The following MYO1E variants were observed in gnomAD, a reference collection of about 807,000 sequenced individuals.
MYO1E encodes myosin IE.
A neutral mutation model predicts 151.1 loss-of-function variants in MYO1E; 68 were observed. That is an observed-to-expected ratio of 0.45 (90% CI 0.37 to 0.55). MYO1E has a LOEUF of 0.55. Among genes scored for constraint, MYO1E ranks in the 20% least tolerant of loss-of-function variants. The pLI is 0.00. For synonymous variants in MYO1E, 601 were observed against 501.7 expected (o/e 1.20, Z -2.64); for missense variants, 1,363 against 1,389.3 (o/e 0.98, Z 0.30).
chr15:59,279,821 A>G (rs1315407860), intron 1 of MYO1E, among the ~76,000 whole-genome samples: 4 of 152,214 alleles, frequency 2.6e-5, no homozygotes, highest in African/African-American at 9.7e-5. Flanking sequence ...TTTTGTTTTG[A>G]TTGAACGTAT....
At chr15:59,335,305 CAA>C (rs2080721660) in intron 1 of MYO1E, among the ~76,000 whole-genome samples, 1 of 150,022 alleles carries the variant, frequency 6.7e-6, no homozygotes, top group Non-Finnish European at 1.5e-5. Flanking sequence ...GGACTAGCAT[CAA>C]AGAGTGTGAA....
intron 4 of MYO1E, among the ~76,000 whole-genome samples, chr15:59,249,284 G>A (rs548023440): frequency 2.0e-5 from 3 of 152,104 alleles, no homozygotes; most frequent in Non-Finnish European, 2.9e-5. Flanking sequence ...AATTAGCTGG[G>A]TGTGGTGGCA....
At chr15:59,218,139 A>AAGTC (rs1179126021) in intron 9 of MYO1E, 52 bp from the exon 10 acceptor site, 1 of 1,598,278 alleles carries the variant, frequency 6.3e-7, no homozygotes, top group Non-Finnish European at 8.6e-7. Flanking sequence ...TGACACTTCC[A>AAGTC]AGTCATCTCA....
chr15:59,214,856 G>C, intron 10 of MYO1E, 136 bp from the exon 11 acceptor site: 1 of 746,284 alleles, frequency 1.3e-6, no homozygotes, highest in South Asian at 1.4e-5. Flanking sequence ...GTGAAGGCAG[G>C]AGACTTGCTG....
chr15:59,216,662 ATG>A lies in MYO1E; in HGVS notation c.1107+1227_1107+1228del, dbSNP rs1193503156. Among the ~76,000 whole-genome samples, 2 of 17,346 alleles carry A rather than the reference ATG, an allele frequency of 1.2e-4. 1 individual carries two copies. The highest frequency in any genetic ancestry group is 4.5e-4 in the Non-Finnish European group (2 of 4,446). 11.4% of individuals were successfully genotyped at this position (17,346 alleles called of 152,430 possible). A position where few individuals can be genotyped will look rare whatever the true frequency, so the allele number is the denominator to read the frequency against. ...GCCCCCAGTGTGTGTGTGTGTGTGT[ATG>A]TGTATATATATATATATATATACAC... is the stretch of plus-strand genomic sequence containing the variant. On this transcript the variant is annotated intron_variant, in intron 10 of 27. Coordinates refer to ENST00000288235, the MANE Select transcript of MYO1E (RefSeq NM_004998.4).
chr15:59,366,796 AATTT>A (rs752546594), intron 1 of MYO1E, among the ~76,000 whole-genome samples: 11 of 152,146 alleles, frequency 7.2e-5, no homozygotes, highest in Non-Finnish European at 1.6e-4. Context: ...TTCAAAACAC[AATTT>A]GTTTACCACT....
intron 1 of MYO1E, among the ~76,000 whole-genome samples, chr15:59,291,358 A>G (rs186941441): frequency 6.6e-6 from 1 of 152,264 alleles, no homozygotes; most frequent in Non-Finnish European, 1.5e-5. Flanking sequence ...CCTGGGTGTG[A>G]CTACATGTCA....
intron 17 of MYO1E, 125 bp downstream of exon 17, chr15:59,195,336 G>T: frequency 1.2e-6 from 1 of 860,926 alleles, no homozygotes; most frequent in African/African-American, 1.7e-5. Context: ...AAAAAGTTAA[G>T]ATGCAAGGGC....
chr15:59,211,260 T>C (rs1167614671), intron 12 of MYO1E, among the ~76,000 whole-genome samples: 1 of 151,988 alleles, frequency 6.6e-6, no homozygotes, highest in Non-Finnish European at 1.5e-5. Flanking sequence ...AGGTACTTAA[T>C]GGGAAGGTTC....
chr15:59,301,349 T>A (rs1019320984), intron 1 of MYO1E, among the ~76,000 whole-genome samples: 11 of 152,336 alleles, frequency 7.2e-5, no homozygotes, highest in Admixed American at 5.9e-4. Flanking sequence ...CAACTTGTAG[T>A]CAACAAAATT....
intron 4 of MYO1E, among the ~76,000 whole-genome samples, chr15:59,252,318 C>T (rs1297672764): frequency 1.3e-5 from 2 of 152,088 alleles, no homozygotes; most frequent in African/African-American, 4.8e-5. Flanking sequence ...TGCGGTGCCT[C>T]GTGCCTGTAA....
At chr15:59,286,040 T>TA (rs1223531637) in intron 1 of MYO1E, among the ~76,000 whole-genome samples, 1 of 152,190 alleles carries the variant, frequency 6.6e-6, no homozygotes, top group Non-Finnish European at 1.5e-5. Flanking sequence ...TGCATATAAA[T>TA]AAAGACAGGG....
intron 14 of MYO1E, chr15:59,208,202 G>C: frequency 1.1e-6 from 1 of 944,060 alleles, no homozygotes; most frequent in Non-Finnish European, 1.6e-6. Flanking sequence ...AGTAGGTAGA[G>C]TGATTTTCCT....
chr15:59,323,160 C>G (rs1205941549), intron 1 of MYO1E, among the ~76,000 whole-genome samples: 7 of 116,376 alleles, frequency 6.0e-5, no homozygotes, highest in Admixed American at 8.8e-5. Context: ...CAGAGCAAGA[C>G]CCCATCACAA....
rs192819035 is a variant in MYO1E at position 59,261,864 on chromosome 15, T to C, written c.148-355A>G. 1.2e-4 allele frequency among the ~76,000 whole-genome samples: 18 copies of C among 152,312 alleles called. No homozygotes were observed. The East Asian group carries it at 2.1e-3, about 18-fold the overall frequency. On this transcript the variant is annotated intron_variant, in intron 2 of 27. Transcript: ENST00000288235. ...TTATCAGTCCTCCCCTCAAATGATA[T>C]GCATTTTTTCCTTTGAACTTTCGTA... is the stretch of plus-strand genomic sequence containing the variant.
chr15:59,151,043 A>ACG (rs2079473702), intron 26 of MYO1E, among the ~76,000 whole-genome samples: 1 of 87,980 alleles, frequency 1.1e-5, no homozygotes, highest in Admixed American at 1.1e-4. Context: ...ACACACACAC[A>ACG]CACACACGCG....
intron 14 of MYO1E, chr15:59,207,109 C>T: frequency 1.2e-6 from 2 of 1,614,232 alleles, no homozygotes; most frequent in Non-Finnish European, 1.7e-6. Context: ...GAAGAGTGAG[C>T]TTATTGAGCG....
chr15:59,355,539 T>C (rs777776475), intron 1 of MYO1E, among the ~76,000 whole-genome samples: 1 of 152,292 alleles, frequency 6.6e-6, no homozygotes. Flanking sequence ...TCACTTGAGT[T>C]CCAGAACAAA....
chr15:59,201,576 G>A (rs1053100571), intron 16 of MYO1E, among the ~76,000 whole-genome samples: 5 of 151,904 alleles, frequency 3.3e-5, no homozygotes, highest in African/African-American at 1.2e-4. Flanking sequence ...GGCTAATTTT[G>A]TATTTTTAGT....
Sources: allele counts gnomAD v4.1 joint callset (sites outside exome capture counted in the v4.1 genomes callset), GRCh38; gene constraint gnomAD v4.1.1; transcripts MANE v1.5; gene names NCBI Gene and HGNC (gene_info 2026-07-23, HGNC 2026-07-21).